The following CMPK1 variants were observed in gnomAD, a reference collection of about 807,000 sequenced individuals.
CMPK1 encodes the protein UMP-CMP kinase.
CMPK1 carries 10 observed loss-of-function variants against 25.7 expected under a neutral mutation model. That is an observed-to-expected ratio of 0.39 (90% confidence interval 0.24 to 0.66). The LOEUF is 0.66. Among genes scored for constraint, CMPK1 ranks in the 30% least tolerant of loss-of-function variants. The pLI is 0.48. For missense variants in CMPK1, 199 were observed against 280.5 expected (o/e 0.71, Z 2.08); for synonymous variants, 106 against 101.5 (o/e 1.04, Z -0.27).
chr1:47,362,773 G>T (rs1646613026), intron 1 of CMPK1, among the ~76,000 whole-genome samples: 1 of 152,158 alleles, frequency 6.6e-6, no homozygotes, highest in Non-Finnish European at 1.5e-5. Context: ...ATGGTCAAAT[G>T]CAATGCACAC....
At chr1:47,362,743 G>A (rs1646612707) in intron 1 of CMPK1, among the ~76,000 whole-genome samples, 1 of 152,178 alleles carries the variant, frequency 6.6e-6, no homozygotes, top group East Asian at 1.9e-4. Context: ...TTTAATATGT[G>A]GATTTGCGAT....
chr1:47,333,855 A>G lies in CMPK1; in HGVS notation c.-91A>G, dbSNP rs1217246543. 17 of 896,598 alleles carry G rather than the reference A, an allele frequency of 1.9e-5. No homozygotes were observed. In the South Asian group the frequency reaches 7.7e-4, roughly 40 times the overall value. 55.5% of individuals were successfully genotyped at this position (896,598 alleles called of 1,614,324 possible). A position where few individuals can be genotyped will look rare whatever the true frequency, so the allele number is the denominator to read the frequency against. ...GCGGGGCCGCGGCGGGCGCCGGCTC[A>G]GCCCGCCCCTTTCTCCCGCCGCCTC... On this transcript the variant is annotated 5_prime_UTR_variant, in exon 1 of 6. Transcript: ENST00000371873.
intron 2 of CMPK1, 78 bp downstream of exon 2, chr1:47,368,693 C>T (rs953751789): frequency 2.3e-6 from 3 of 1,300,792 alleles, no homozygotes; most frequent in East Asian, 2.7e-5. Context: ...CAGGCAGTTG[C>T]TCATGCTTGT....
chr1:47,352,196 T>C (rs1247550996), intron 1 of CMPK1, among the ~76,000 whole-genome samples: 1 of 152,182 alleles, frequency 6.6e-6, no homozygotes, highest in Non-Finnish European at 1.5e-5. Context: ...TATCTTCTTA[T>C]CGAGCTGTAA....
At chr1:47,343,791 G>A (rs974525157) in intron 1 of CMPK1, among the ~76,000 whole-genome samples, 12 of 151,820 alleles carry the variant, frequency 7.9e-5, no homozygotes, top group African/African-American at 2.7e-4. Flanking sequence ...GGAGGCTGAG[G>A]CAGGAGCATG....
At chr1:47,363,607 C>T (rs1280913475) in intron 1 of CMPK1, among the ~76,000 whole-genome samples, 1 of 151,748 alleles carries the variant, frequency 6.6e-6, no homozygotes, top group Non-Finnish European at 1.5e-5. Flanking sequence ...CACTGCACTC[C>T]AGCCTGGGCA....
chr1:47,353,059 A>G (rs1292169511), intron 1 of CMPK1, among the ~76,000 whole-genome samples: 1 of 152,334 alleles, frequency 6.6e-6, no homozygotes, highest in East Asian at 1.9e-4. Flanking sequence ...GCAGTGATTG[A>G]TGTTTTTCTA....
chr1:47,361,640 C>T (rs1646602617), intron 1 of CMPK1, among the ~76,000 whole-genome samples: 1 of 148,356 alleles, frequency 6.7e-6, no homozygotes, highest in South Asian at 2.1e-4. Context: ...TTTCTTGTAG[C>T]CGTAGGAATT....
intron 1 of CMPK1, among the ~76,000 whole-genome samples, chr1:47,336,138 G>GAAAGAAAT (rs112451386): frequency 1.3e-5 from 2 of 150,394 alleles, no homozygotes; most frequent in African/African-American, 2.5e-5. Flanking sequence ...CTCCGTCTCA[G>GAAAGAAAT]AAATAAATAA....
Position 47,339,382 on chromosome 1 carries a change from G to A in CMPK1, c.171+5266G>A, listed in dbSNP as rs558520413. The stretch of plus-strand genomic sequence containing the variant: ...GTGTGGGTAACTCTTACTTTGCCTG[G>A]CCATCCTACTTACTGCACTTAGAAA... On this transcript the variant is annotated intron_variant, in intron 1 of 5. Coordinates refer to ENST00000371873, the MANE Select transcript of CMPK1 (RefSeq NM_016308.3). 5.9e-5 allele frequency among the ~76,000 whole-genome samples: 9 copies of A among 152,022 alleles called. No individual in the cohort carries two copies. The South Asian group carries it at 1.9e-3, about 32-fold the overall frequency.
At chr1:47,336,226 C>T (rs975082043) in intron 1 of CMPK1, among the ~76,000 whole-genome samples, 2 of 152,062 alleles carry the variant, frequency 1.3e-5, no homozygotes, top group African/African-American at 4.8e-5. Context: ...TCTTAAATAG[C>T]ATGATGGGGG....
intron 1 of CMPK1, among the ~76,000 whole-genome samples, chr1:47,344,627 T>C (rs1646469648): frequency 6.6e-6 from 1 of 151,760 alleles, no homozygotes; most frequent in Admixed American, 6.6e-5. Context: ...GCCTCCCAAG[T>C]AGCTGGGATT....
At chr1:47,350,881 C>T (rs1646518124) in intron 1 of CMPK1, among the ~76,000 whole-genome samples, 1 of 150,946 alleles carries the variant, frequency 6.6e-6, no homozygotes, top group African/African-American at 2.4e-5. Flanking sequence ...GCACTCCAGC[C>T]TGGGCGACAA....
In CMPK1 at chr1:47,333,831, C is replaced by G. The variant is rs1646372148; in HGVS notation, c.-115C>G. ...GCGGACGCCCGGGCAGCCACGGCGG[C>G]GGGGCCGCGGCGGGCGCCGGCTCAG... On this transcript the variant is annotated 5_prime_UTR_variant, in exon 1 of 6. Transcript: ENST00000371873. 1.7e-6 allele frequency: 1 copy of G among 605,556 alleles called. No homozygotes were observed. Among genetic ancestry groups the G allele is most frequent in the Non-Finnish European group, 2.1e-6 (1 of 480,898 alleles). 37.5% of individuals were successfully genotyped at this position (605,556 alleles called of 1,614,324 possible).
chr1:47,368,005 G>A (rs1408194897), intron 1 of CMPK1, among the ~76,000 whole-genome samples: 1 of 151,586 alleles, frequency 6.6e-6, no homozygotes, highest in East Asian at 1.9e-4. Context: ...GCTGGAGTGC[G>A]GTGGCACGAT....
chr1:47,355,522 C>G (rs1310771845), intron 1 of CMPK1, among the ~76,000 whole-genome samples: 2 of 151,880 alleles, frequency 1.3e-5, no homozygotes, highest in Non-Finnish European at 2.9e-5. Flanking sequence ...AGCATATCGG[C>G]CAGGCTGGTC....
chr1:47,371,628 A>G (rs1646678352), intron 2 of CMPK1, among the ~76,000 whole-genome samples: 1 of 152,126 alleles, frequency 6.6e-6, no homozygotes, highest in Non-Finnish European at 1.5e-5. Context: ...CAAGTTTCCA[A>G]AACCATGATG....
chr1:47,358,270 G>A, intron 1 of CMPK1: 1 of 490,816 alleles, frequency 2.0e-6, no homozygotes, highest in Non-Finnish European at 3.9e-6. Context: ...ACGTCACCAT[G>A]ACAGGCTAAT....
chr1:47,354,676 C>T (rs1570364676), intron 1 of CMPK1, among the ~76,000 whole-genome samples: 1 of 129,946 alleles, frequency 7.7e-6, no homozygotes, highest in South Asian at 2.5e-4. Flanking sequence ...AGTTCTACTT[C>T]ATAATATGCA....
Sources: gnomAD v4.1 joint callset for allele counts (sites outside exome capture counted in the v4.1 genomes callset) on GRCh38, gnomAD v4.1.1 for gene constraint, MANE v1.5 for transcripts, NCBI Gene and HGNC (gene_info 2026-07-23, HGNC 2026-07-21) for gene names.